Variants in MGAT4C observed in about 807,000 individuals in gnomAD.
The protein encoded by MGAT4C is alpha-1,3-mannosyl-glycoprotein 4-beta-N-acetylglucosaminyltransferase C.
A neutral mutation model predicts 40.1 loss-of-function variants in MGAT4C; 19 were observed. The observed-to-expected ratio is 0.47, with a 90% confidence interval of 0.33 to 0.70. MGAT4C has a LOEUF of 0.70. Ranked by LOEUF, MGAT4C falls within the 30% of genes least tolerant of loss-of-function variation. MGAT4C has a pLI of 0.02. For synonymous variants in MGAT4C, 181 were observed against 187.1 expected (o/e 0.97, Z 0.27); for missense variants, 491 against 563.2 (o/e 0.87, Z 1.30).
chr12:86,527,643 A>AT (rs1958908415), intron 2 of MGAT4C, among the ~76,000 whole-genome samples: 1 of 152,124 alleles, frequency 6.6e-6, no homozygotes, highest in Non-Finnish European at 1.5e-5. Flanking sequence ...ATATCTTTCC[A>AT]TTTTTGGTGT....
At position 86,661,832 on chromosome 12, in the gene MGAT4C, A is replaced by G. The variant is rs550678228; in HGVS notation, c.-229+65377T>C. 6.6e-5 allele frequency among the ~76,000 whole-genome samples: 10 copies of G among 152,142 alleles called. No homozygotes were observed. The East Asian group carries it at 1.9e-3, about 29-fold the overall frequency. On this transcript the variant is annotated intron_variant, in intron 2 of 7. Transcript: ENST00000548651. The stretch of plus-strand genomic sequence containing the variant: ...TGTGTGCCTGTAGTTCCAGCTACTC[A>G]GGAGGCTGAGGCATGAGAATTGCTT...
chr12:86,672,155 T>C (rs1281091999), intron 2 of MGAT4C, among the ~76,000 whole-genome samples: 2 of 151,926 alleles, frequency 1.3e-5, no homozygotes, highest in African/African-American at 2.4e-5. Flanking sequence ...TACAAGTATA[T>C]GGAAATTAAA....
chr12:86,359,766 C>T lies in MGAT4C; in HGVS notation c.-119-25639G>A, dbSNP rs557250910. Among the ~76,000 whole-genome samples the T allele has an allele frequency of 2.1e-3, 325 of 152,244 alleles. 1 individual carries two copies. The highest frequency in any genetic ancestry group is 3.3e-3 in the Non-Finnish European group (223 of 68,006). On this transcript the variant is annotated intron_variant, in intron 3 of 7. Transcript: ENST00000548651. The stretch of plus-strand genomic sequence containing the variant: ...AAATTCCTGGACACATACACCCTCC[C>T]AAGACTAAACCAGGAAGAAGTTGAA...
chr12:86,615,779 C>T (rs1358575221), intron 2 of MGAT4C, among the ~76,000 whole-genome samples: 4 of 151,970 alleles, frequency 2.6e-5, no homozygotes, highest in Non-Finnish European at 5.9e-5. Flanking sequence ...TTAGTATTTT[C>T]CCAAACTTAT....
At chr12:86,443,727 G>A (rs1236468097) in intron 2 of MGAT4C, among the ~76,000 whole-genome samples, 1 of 152,090 alleles carries the variant, frequency 6.6e-6, no homozygotes, top group Non-Finnish European at 1.5e-5. Context: ...CCGAGTAGCT[G>A]GGACTACAGG....
intron 1 of MGAT4C, among the ~76,000 whole-genome samples, chr12:86,120,516 A>C (rs1189780295): frequency 6.6e-6 from 1 of 152,184 alleles, no homozygotes; most frequent in Non-Finnish European, 1.5e-5. Context: ...CACCTCATAC[A>C]GCCAGGTGCC....
At chr12:86,261,282 A>C (rs2136096010), upstream of MGAT4C, among the ~76,000 whole-genome samples, 1 of 152,246 alleles carries the variant, frequency 6.6e-6, no homozygotes, top group African/African-American at 2.4e-5. Flanking sequence ...AATAGACAAA[A>C]ATTGAAGACC....
chr12:86,752,015 G>A (rs1246450793), intron 1 of MGAT4C, among the ~76,000 whole-genome samples: 1 of 151,690 alleles, frequency 6.6e-6, no homozygotes, highest in Non-Finnish European at 1.5e-5. Context: ...ATATGTCTTG[G>A]AGCACAATGA....
chr12:86,238,680 T>C (rs956706295), intron 1 of MGAT4C, among the ~76,000 whole-genome samples: 10 of 152,036 alleles, frequency 6.6e-5, no homozygotes, highest in African/African-American at 2.4e-4. Flanking sequence ...TATTTATGGT[T>C]ATAATTAAGA....
At chr12:86,546,806 T>G (rs1959195509) in intron 2 of MGAT4C, among the ~76,000 whole-genome samples, 1 of 151,956 alleles carries the variant, frequency 6.6e-6, no homozygotes. Context: ...GTGGGGATAG[T>G]CATAACTGAG....
intron 2 of MGAT4C, among the ~76,000 whole-genome samples, chr12:86,640,698 G>T (rs1477316882): frequency 6.6e-6 from 1 of 151,830 alleles, no homozygotes. Context: ...TGATGTTAGG[G>T]TGTCAATTTT....
intron 1 of MGAT4C, among the ~76,000 whole-genome samples, chr12:86,729,406 C>T (rs1350175127): frequency 6.6e-6 from 1 of 151,648 alleles, no homozygotes; most frequent in Non-Finnish European, 1.5e-5. Context: ...ACTTTTATAA[C>T]TAATAAAGCC....
intron 1 of MGAT4C, among the ~76,000 whole-genome samples, chr12:86,161,793 T>G (rs1369457478): frequency 6.6e-6 from 1 of 151,966 alleles, no homozygotes; most frequent in African/African-American, 2.4e-5. Context: ...TATAGGGGAC[T>G]TAAATCAACA....
intron 3 of MGAT4C, among the ~76,000 whole-genome samples, chr12:86,343,313 A>C (rs1410972588): frequency 6.6e-6 from 1 of 152,226 alleles, no homozygotes; most frequent in Non-Finnish European, 1.5e-5. Context: ...ATTGAAATGT[A>C]GATGTTTTGA....
At chr12:86,774,298 T>C (rs1244961268) in intron 1 of MGAT4C, among the ~76,000 whole-genome samples, 4 of 33,066 alleles carry the variant, frequency 1.2e-4, no homozygotes, top group African/African-American at 3.1e-4. Flanking sequence ...TTTCTTTCTT[T>C]CTTTCTTTCT....
intron 2 of MGAT4C, among the ~76,000 whole-genome samples, chr12:86,020,356 C>G (rs1413846194): frequency 1.3e-5 from 2 of 151,808 alleles, no homozygotes; most frequent in African/African-American, 4.8e-5. Flanking sequence ...ATACAGTAAC[C>G]AAAACAGCAT....
chr12:86,489,120 G>C (rs1418623138), intron 2 of MGAT4C, among the ~76,000 whole-genome samples: 1 of 152,066 alleles, frequency 6.6e-6, no homozygotes, highest in African/African-American at 2.4e-5. Context: ...AAAGACCCCA[G>C]ACTCAGCCAG....
At chr12:86,621,884 G>A (rs1593052057) in intron 2 of MGAT4C, among the ~76,000 whole-genome samples, 1 of 152,276 alleles carries the variant, frequency 6.6e-6, no homozygotes, top group East Asian at 1.9e-4. Flanking sequence ...TCTCAGGCTG[G>A]TGATATGCAG....
At chr12:86,710,507 C>T (rs1037501490) in intron 2 of MGAT4C, among the ~76,000 whole-genome samples, 1 of 152,090 alleles carries the variant, frequency 6.6e-6, no homozygotes. Context: ...GGCCATTCTT[C>T]AAGAGTAAGG....
Sources: gnomAD v4.1 joint callset for allele counts (sites outside exome capture counted in the v4.1 genomes callset) on GRCh38, gnomAD v4.1.1 for gene constraint, MANE v1.5 for transcripts, NCBI Gene and HGNC (gene_info 2026-07-23, HGNC 2026-07-21) for gene names.